The following OCA2 variants were observed in gnomAD, a reference collection of about 807,000 sequenced individuals.
OCA2 encodes P protein.
Under a neutral mutation model 100.2 loss-of-function variants are expected in OCA2, and 77 were observed. That is an observed-to-expected ratio of 0.77 (90% CI 0.64 to 0.93). The LOEUF is 0.93. Among genes scored for constraint, OCA2 ranks in the 40% least tolerant of loss-of-function variants. The probability of loss-of-function intolerance (pLI) is 0.00; values close to 1 mark genes in which losing one functional copy is unlikely to be tolerated. For missense variants in OCA2, 1,062 were observed against 1,089.1 expected (o/e 0.98, Z 0.35); for synonymous variants, 432 against 439.2 (o/e 0.98, Z 0.21).
At chr15:27,906,990 G>T (rs1017842942) in intron 19 of OCA2, among the ~76,000 whole-genome samples, 19 of 152,106 alleles carry the variant, frequency 1.2e-4, no homozygotes, top group Admixed American at 1.1e-3. Flanking sequence ...CTCTCACAAG[G>T]ACTAATAGAG....
intron 1 of OCA2, 172 bp downstream of exon 1, chr15:28,099,052 C>T: frequency 6.4e-6 from 1 of 155,144 alleles, no homozygotes; most frequent in Non-Finnish European, 1.4e-5. Flanking sequence ...GCGGACTCAG[C>T]CGCGCTAGGT....
intron 2 of OCA2, among the ~76,000 whole-genome samples, chr15:28,081,060 TAAAG>T (rs2044606420): frequency 6.6e-6 from 1 of 151,848 alleles, no homozygotes; most frequent in Non-Finnish European, 1.5e-5. Flanking sequence ...CACATGGACA[TAAAG>T]AAGGCAGCAG....
chr15:28,064,477 C>A lies in OCA2; in HGVS notation c.227+17171G>T, dbSNP rs552779605. Among the ~76,000 whole-genome samples the A allele has an allele frequency of 2.0e-4, 31 of 152,116 alleles. No individual in the cohort carries two copies. In the South Asian group the frequency reaches 5.6e-3, roughly 28 times the overall value. ...TTTCTTCATTCTTTTTTCTTTCTGCCTCTCAGATTAAACAGTTTCAATTGT... is the reference window on the plus strand; with the variant it reads ...TTTCTTCATTCTTTTTTCTTTCTGCATCTCAGATTAAACAGTTTCAATTGT... On this transcript the variant is annotated intron_variant, in intron 2 of 23. Transcript: ENST00000354638.
At position 27,755,356 on chromosome 15, in the gene OCA2, CCTT is replaced by C; in HGVS notation, c.*29_*31del. ...TAATGGGTTGTGATGGATGAAGTTT[CCTT>C]TAGTCTTCGAGCAATAGATGGATGT... is the stretch of plus-strand genomic sequence containing the variant. On this transcript the variant is annotated 3_prime_UTR_variant, in exon 24 of 24. Coordinates refer to ENST00000354638, the MANE Select transcript of OCA2 (RefSeq NM_000275.3). 1 of 1,520,730 alleles carries C rather than the reference CCTT, an allele frequency of 6.6e-7. No individual in the cohort carries two copies. The highest frequency in any genetic ancestry group is 9.1e-7 in the Non-Finnish European group (1 of 1,095,150). The allele number at this position is 1,520,730 out of a possible 1,614,324, so 94.2% of individuals were successfully genotyped here.
chr15:27,879,447 G>A (rs1019520174), intron 19 of OCA2, among the ~76,000 whole-genome samples: 10 of 152,126 alleles, frequency 6.6e-5, no homozygotes, highest in African/African-American at 1.9e-4. Context: ...TTCCACAATC[G>A]TTGAACTAAT....
At chr15:27,945,669 T>G (rs1368346748) in intron 18 of OCA2, among the ~76,000 whole-genome samples, 6 of 152,148 alleles carry the variant, frequency 3.9e-5, no homozygotes, top group Non-Finnish European at 8.8e-5. Flanking sequence ...AACAATAAAA[T>G]TGCTCAACCA....
At chr15:27,808,978 T>C (rs2033969481) in intron 23 of OCA2, among the ~76,000 whole-genome samples, 1 of 152,158 alleles carries the variant, frequency 6.6e-6, no homozygotes, top group African/African-American at 2.4e-5. Flanking sequence ...CTTCCTTCTG[T>C]CCTTTGACAT....
In OCA2 at chr15:28,027,902, G is replaced by A. The variant is rs139950883; in HGVS notation, c.484C>T (p.Pro162Ser). Residue 162 changes from proline (P) to serine (S), a missense_variant, in exon 4 of 24, where the codon CCG becomes TCG. Coordinates refer to ENST00000354638, the MANE Select transcript of OCA2 (RefSeq NM_000275.3). The part of the protein sequence containing the change: ...SSEKGDLLDS[P>S]HIRLRLSKLR... The stretch of plus-strand genomic sequence containing the variant: ...TTGGAAAGACGGAGTCGGATGTGCG[G>A]GCTGTCCAGAAGGTCTCCCTTCTCG... 2 of 1,613,570 alleles carry A rather than the reference G, an allele frequency of 1.2e-6. No homozygotes were observed. Among genetic ancestry groups the A allele is most frequent in the African/African-American group, 1.3e-5 (1 of 74,916 alleles).
the OCA2 span, among the ~76,000 whole-genome samples, chr15:27,732,845 G>T: frequency 6.6e-6 from 1 of 152,154 alleles, no homozygotes; most frequent in Admixed American, 6.5e-5. Context: ...TACAAAAATA[G>T]GGTATAAGGA....
rs797045838 is a variant in OCA2 at position 27,926,194 on chromosome 15, T to C, written c.2012A>G (p.Glu671Gly). The C allele has an allele frequency of 1.2e-6, 2 of 1,614,102 alleles. No homozygotes were observed. The highest frequency in any genetic ancestry group is 1.7e-5 in the Admixed American group (1 of 60,022). ...LLILADIHDF[E>G]IILHRVEWAT... is the part of the protein sequence containing the mutation. ...CCATTCCACTCTGTGTAGAATTATC[T>C]CAAAATCATGAATATCAGCTAAAAT... The change falls in exon 19 of 24, where the codon GAG becomes GGG. Residue 671 changes from glutamate (E) to glycine (G), a missense_variant. Physicochemically the swap from Glu to Gly is moderately conservative, Grantham distance 98. Transcript: ENST00000354638.
intron 14 of OCA2, among the ~76,000 whole-genome samples, chr15:27,969,326 T>C (rs1352161707): frequency 6.6e-6 from 1 of 151,782 alleles, no homozygotes; most frequent in East Asian, 1.9e-4. Context: ...TTGCGATGGG[T>C]GGATTCATCA....
At chr15:27,903,276 C>G (rs1441929428) in intron 19 of OCA2, among the ~76,000 whole-genome samples, 2 of 152,196 alleles carry the variant, frequency 1.3e-5, no homozygotes, top group Non-Finnish European at 2.9e-5. Context: ...CAGCTGTTAT[C>G]TTGTGCTCCG....
At chr15:28,073,243 G>A (rs186209478) in intron 2 of OCA2, among the ~76,000 whole-genome samples, 57 of 152,214 alleles carry the variant, frequency 3.7e-4, no homozygotes, top group Middle Eastern at 3.4e-3. Flanking sequence ...GTGAAACCCC[G>A]TCTCTATTAA....
At chr15:27,808,958 TC>T (rs1325715550) in intron 23 of OCA2, among the ~76,000 whole-genome samples, 1 of 152,164 alleles carries the variant, frequency 6.6e-6, no homozygotes, top group Non-Finnish European at 1.5e-5. Context: ...CCTCTTCACT[TC>T]CCTGTTGTCT....
intron 15 of OCA2, among the ~76,000 whole-genome samples, chr15:27,962,158 T>A (rs996391614): frequency 7.9e-5 from 12 of 152,162 alleles, no homozygotes; most frequent in African/African-American, 2.9e-4. Context: ...AAATTCCTTC[T>A]TTCAAATATC....
chr15:27,871,294 C>G (rs377249791), intron 20 of OCA2, 36 bp from the exon 21 acceptor site: 1 of 1,523,130 alleles, frequency 6.6e-7, no homozygotes, highest in Non-Finnish European at 9.1e-7. Context: ...AGTGTTCCAT[C>G]GCATGCACTT....
chr15:27,838,033 C>G (rs1449581657), intron 23 of OCA2, among the ~76,000 whole-genome samples: 2 of 152,142 alleles, frequency 1.3e-5, no homozygotes, highest in Non-Finnish European at 2.9e-5. Flanking sequence ...CTGACTGCCC[C>G]GTGCAAGGCT....
chr15:28,074,673 CAAAAAAAAA>C (rs1172821817), intron 2 of OCA2, among the ~76,000 whole-genome samples: 4 of 66,950 alleles, frequency 6.0e-5, no homozygotes, highest in African/African-American at 1.7e-4. Flanking sequence ...GACTCCGTCT[CAAAAAAAAA>C]AAAAAAAAAA....
rs41446944 is a variant in OCA2, at chr15:27,966,770, A to G, written c.1556T>C (p.Val519Ala). 1.5e-4 allele frequency: 247 copies of G among 1,613,536 alleles called. No individual in the cohort carries two copies. Among genetic ancestry groups the G allele is most frequent in the Non-Finnish European group, 1.8e-4 (218 of 1,179,980 alleles). ...TAHMFIGICL[V>A]LLVCFPLLRL... is the part of the protein sequence containing the mutation. ...GAGGAGCGGAAAGCAGACCAGGAGA[A>G]CAAGGCAAATCCCAATGAACATGTG... is the stretch of plus-strand genomic sequence containing the variant. Residue 519 changes from valine (V) to alanine (A), a missense_variant, in exon 15 of 24, where the codon GTT (valine) becomes GCT (alanine). By Grantham distance (64) the Val-to-Ala change is moderately conservative. Coordinates refer to ENST00000354638, the MANE Select transcript of OCA2 (RefSeq NM_000275.3).
Sources: gnomAD v4.1 joint callset for allele counts (sites outside exome capture counted in the v4.1 genomes callset) on GRCh38, gnomAD v4.1.1 for gene constraint, MANE v1.5 for transcripts, NCBI Gene and HGNC (gene_info 2026-07-23, HGNC 2026-07-21) for gene names.